The following UBE3D variants were observed in gnomAD, a reference collection of about 807,000 sequenced individuals.
UBE3D encodes the protein E3 ubiquitin-protein ligase E3D.
A neutral mutation model predicts 49.6 loss-of-function variants in UBE3D; 48 were observed. That is an observed-to-expected ratio of 0.97 (90% CI 0.77 to 1.23). UBE3D has a LOEUF of 1.23. Ranked by LOEUF, UBE3D falls within the 50% of genes most tolerant of loss-of-function variation. The pLI is 0.00. For missense variants in UBE3D, 452 were observed against 468.4 expected, an observed-to-expected ratio of 0.96 and a Z score of 0.32; for synonymous variants, 189 against 174.2, an observed-to-expected ratio of 1.08 and a Z score of -0.67.
intron 8 of UBE3D, among the ~76,000 whole-genome samples, chr6:83,016,156 G>A (rs796512880): frequency 2.0e-5 from 3 of 152,246 alleles, no homozygotes; most frequent in African/African-American, 7.2e-5. Flanking sequence ...TCTCACTCAA[G>A]GCCATCTTAG....
chr6:83,021,878 A>G (rs1401633845), intron 7 of UBE3D, among the ~76,000 whole-genome samples: 1 of 152,116 alleles, frequency 6.6e-6, no homozygotes, highest in African/African-American at 2.4e-5. Context: ...CAAAAAAAAA[A>G]CAAAAAACAA....
chr6:83,027,761 CT>C (rs1471598951), intron 5 of UBE3D, among the ~76,000 whole-genome samples: 6 of 152,136 alleles, frequency 3.9e-5, no homozygotes, highest in Non-Finnish European at 7.4e-5. Flanking sequence ...CTTGCTAGGG[CT>C]TTGCCGAATT....
intron 9 of UBE3D, among the ~76,000 whole-genome samples, chr6:82,949,614 T>C (rs528962089): frequency 2.6e-4 from 40 of 152,264 alleles, no homozygotes; most frequent in African/African-American, 9.4e-4. Context: ...CTTCAAATTA[T>C]ACTACAAAGC....
chr6:83,063,656 G>A (rs1357185654), intron 1 of UBE3D, among the ~76,000 whole-genome samples: 6 of 151,940 alleles, frequency 3.9e-5, no homozygotes, highest in Non-Finnish European at 7.4e-5. Context: ...ATTAGTCATC[G>A]GTAAAATGAA....
intron 8 of UBE3D, among the ~76,000 whole-genome samples, chr6:82,969,181 T>C (rs1777161617): frequency 7.7e-6 from 1 of 130,694 alleles, no homozygotes; most frequent in Non-Finnish European, 1.6e-5. Flanking sequence ...GTGCCCAAGA[T>C]ATTTATGTAA....
At position 83,022,566 on chromosome 6, in the gene UBE3D, T is replaced by A; in HGVS notation, c.738-5A>T. On this transcript the variant is annotated splice_region_variant and splice_polypyrimidine_tract_variant and intron_variant, in intron 6 of 9. Coordinates refer to ENST00000369747, the MANE Select transcript of UBE3D (RefSeq NM_198920.3). Reference sequence around the variant, plus strand: ...ACGCTCTGGACAAACCAAGACCTGTTTGAACAGAAATCAATTTTTACAATG... The same window carrying A: ...ACGCTCTGGACAAACCAAGACCTGTATGAACAGAAATCAATTTTTACAATG... The A allele has an allele frequency of 6.4e-7, 1 of 1,560,638 alleles. No individual in the cohort carries two copies. The highest frequency in any genetic ancestry group is 8.6e-7 in the Non-Finnish European group (1 of 1,159,700).
intron 8 of UBE3D, among the ~76,000 whole-genome samples, chr6:83,006,788 T>C (rs931416319): frequency 1.3e-5 from 2 of 152,188 alleles, no homozygotes; most frequent in Admixed American, 6.5e-5. Context: ...TGTGGTTTAA[T>C]GAGTATGGAG....
intron 5 of UBE3D, chr6:83,038,052 TAAA>T (rs78857512): frequency 6.9e-5 from 6 of 86,402 alleles, no homozygotes; most frequent in Non-Finnish European, 1.0e-4. Context: ...AAGGTAAAAT[TAAA>T]AAAAAAAAAA....
chr6:82,893,105 A>G (rs1771057570), intron 9 of UBE3D, 63 bp from the exon 10 acceptor site: 5 of 1,587,132 alleles, frequency 3.2e-6, no homozygotes, highest in Non-Finnish European at 4.3e-6. Context: ...GGCTGCATGT[A>G]CATCAAATCA....
At chr6:83,031,814 G>T (rs532157045) in intron 5 of UBE3D, among the ~76,000 whole-genome samples, 1 of 152,188 alleles carries the variant, frequency 6.6e-6, no homozygotes, top group Non-Finnish European at 1.5e-5. Context: ...TGTCCCAGCC[G>T]CACTAGCCAT....
At chr6:83,035,838 T>G (rs1413146313) in intron 5 of UBE3D, among the ~76,000 whole-genome samples, 1 of 152,154 alleles carries the variant, frequency 6.6e-6, no homozygotes, top group African/African-American at 2.4e-5. Flanking sequence ...TTCTAGAATT[T>G]CTATAAGCTA....
rs370047875 is a variant in UBE3D, at chr6:82,919,942, G to T, written c.1150-26900C>A. ...AACAATGTCACACAAGAAAAAGAAG[G>T]TTCATTGAAAACACTACTTGAGAAA... On this transcript the variant is annotated intron_variant, in intron 9 of 9. Coordinates refer to ENST00000369747, the MANE Select transcript of UBE3D (RefSeq NM_198920.3). 2.9e-3 allele frequency among the ~76,000 whole-genome samples: 446 copies of T among 152,244 alleles called. 20 individuals are homozygous for T. The South Asian group carries it at 0.089, about 30-fold the overall frequency.
At chr6:82,983,790 T>A (rs1307315089) in intron 8 of UBE3D, among the ~76,000 whole-genome samples, 4 of 152,212 alleles carry the variant, frequency 2.6e-5, no homozygotes, top group Admixed American at 6.5e-5. Context: ...AAAAAAGTTT[T>A]AAGATGTTTT....
intron 8 of UBE3D, among the ~76,000 whole-genome samples, chr6:82,967,064 C>A (rs946879403): frequency 1.3e-5 from 2 of 152,060 alleles, no homozygotes; most frequent in African/African-American, 4.8e-5. Context: ...GAAAATCAAG[C>A]CCCACATGAT....
At chr6:82,927,718 T>C (rs1294544980) in intron 9 of UBE3D, among the ~76,000 whole-genome samples, 1 of 151,354 alleles carries the variant, frequency 6.6e-6, no homozygotes, top group Non-Finnish European at 1.5e-5. Context: ...CTTTGTATCC[T>C]ACAATCTTGT....
intron 9 of UBE3D, among the ~76,000 whole-genome samples, chr6:82,910,723 A>G (rs1413520356): frequency 6.6e-6 from 1 of 152,160 alleles, no homozygotes; most frequent in African/African-American, 2.4e-5. Context: ...CAAGAGTCCA[A>G]GAATTAGAAT....
intron 9 of UBE3D, among the ~76,000 whole-genome samples, chr6:82,902,749 T>G (rs1771829090): frequency 6.6e-6 from 1 of 152,184 alleles, no homozygotes; most frequent in South Asian, 2.1e-4. Context: ...TAGAACTCAG[T>G]ACACCTATCA....
chr6:82,927,793 A>G (rs1288445288), intron 9 of UBE3D, among the ~76,000 whole-genome samples: 1 of 151,456 alleles, frequency 6.6e-6, no homozygotes, highest in Non-Finnish European at 1.5e-5. Flanking sequence ...TCTAAATAAG[A>G]CAATCATGGC....
intron 5 of UBE3D, chr6:83,036,834 A>C (rs1782296716): frequency 6.6e-6 from 1 of 152,082 alleles, no homozygotes; most frequent in African/African-American, 2.4e-5. Flanking sequence ...CCTGGGCTCA[A>C]GTGACCCTCC....
Sources: gnomAD v4.1 joint callset for allele counts (sites outside exome capture counted in the v4.1 genomes callset) on GRCh38, gnomAD v4.1.1 for gene constraint, MANE v1.5 for transcripts, NCBI Gene and HGNC (gene_info 2026-07-23, HGNC 2026-07-21) for gene names.